Variants in HOXD13 observed in about 807,000 individuals in gnomAD.
HOXD13 encodes the protein homeobox D13, also known as homeobox protein Hox-D13.
Under a neutral mutation model 27.3 loss-of-function variants are expected in HOXD13, and 16 were observed. The ratio of observed to expected loss-of-function variants is 0.59; its 90% CI spans 0.40 to 0.89. The LOEUF is 0.89. Among genes scored for constraint, HOXD13 ranks in the 40% least tolerant of loss-of-function variants. HOXD13 has a pLI of 0.00. For missense variants in HOXD13, 481 were observed against 482.6 expected (o/e 1.00, Z 0.03); for synonymous variants, 241 against 219.0 (o/e 1.10, Z -0.89).
chr2:176,093,037 C>G lies in HOXD13; in HGVS notation c.147C>G (p.Phe49Leu). 1 of 1,384,204 alleles carries G rather than the reference C, an allele frequency of 7.2e-7. No individual in the cohort carries two copies. Among genetic ancestry groups the G allele is most frequent in the Non-Finnish European group, 9.3e-7 (1 of 1,078,586 alleles). 85.7% of individuals were successfully genotyped at this position (1,384,204 alleles called of 1,614,324 possible). Reference sequence around the variant, plus strand: ...GCGGCTTTCTCTCCGCGCCTGTGTTCGCCGGGACGCATTCGGGGCGGGCGG... The same window carrying G: ...GCGGCTTTCTCTCCGCGCCTGTGTTGGCCGGGACGCATTCGGGGCGGGCGG... The part of the protein sequence containing the change: ...QCRGFLSAPV[F>L]AGTHSGRAAA... Residue 49 changes from phenylalanine (F) to leucine (L), a missense_variant, in exon 1 of 2, where the codon TTC becomes TTG. Coordinates refer to ENST00000392539, the MANE Select transcript of HOXD13 (RefSeq NM_000523.4).
chr2:176,088,859 G>C (rs1183334319), upstream of HOXD13, among the ~76,000 whole-genome samples: 1 of 152,166 alleles, frequency 6.6e-6, no homozygotes, highest in Non-Finnish European at 1.5e-5. Context: ...TGGGCCTCTG[G>C]CTCCTGCCCC....
At chr2:176,092,208 T>C (rs1689330327), upstream of HOXD13, among the ~76,000 whole-genome samples, 1 of 152,130 alleles carries the variant, frequency 6.6e-6, no homozygotes, top group South Asian at 2.1e-4. Flanking sequence ...ATTAGCTCAC[T>C]CGGATTTGGG....
At position 176,093,095 on chromosome 2, in the gene HOXD13, G is replaced by GCGC. The variant is rs1384579578; in HGVS notation, c.207_208insCCG (p.Ala69_Ala70insPro). On this transcript the variant is annotated inframe_insertion, in exon 1 of 2. Transcript: ENST00000392539. ...GGCAGCGGCGGCTGCGGCGGCGGCG[G>GCGC]CGGCAGCCTCCGGCTTTGCGTACCC... 2 of 1,439,528 alleles carry GCGC rather than the reference G, an allele frequency of 1.4e-6. No homozygotes were observed. The highest frequency in any genetic ancestry group is 1.8e-6 in the Non-Finnish European group (2 of 1,110,674). The allele number at this position is 1,439,528 out of a possible 1,614,324, so 89.2% of individuals were successfully genotyped here. A position where few individuals can be genotyped will look rare whatever the true frequency, so the allele number is the denominator to read the frequency against.
At position 176,095,101 on chromosome 2, in the gene HOXD13, T is replaced by C. The variant is rs962889915; in HGVS notation, c.*371T>C. On this transcript the variant is annotated 3_prime_UTR_variant, in exon 2 of 2. Coordinates refer to ENST00000392539, the MANE Select transcript of HOXD13 (RefSeq NM_000523.4). ...TTAAGGGTTTTTTTAAAAAATTACTTTATTTGTTCATTCCCAGCACTGATT... is the reference window on the plus strand; with the variant it reads ...TTAAGGGTTTTTTTAAAAAATTACTCTATTTGTTCATTCCCAGCACTGATT... 21 of 358,204 alleles carry C rather than the reference T, an allele frequency of 5.9e-5. No individual in the cohort carries two copies. The highest frequency in any genetic ancestry group is 4.4e-4 in the African/African-American group (21 of 48,150). 22.2% of individuals were successfully genotyped at this position (358,204 alleles called of 1,614,324 possible).
upstream of HOXD13, among the ~76,000 whole-genome samples, chr2:176,089,199 TTTG>T (rs147415184): frequency 0.016 from 2,401 of 148,464 alleles, 65 homozygotes; most frequent in African/African-American, 0.06. Flanking sequence ...ATAGGTTTGG[TTTG>T]TTGTTGTTGT....
intron 1 of HOXD13, 62 bp from the exon 2 acceptor site, chr2:176,094,418 A>C (rs962901444): frequency 7.8e-6 from 11 of 1,417,610 alleles, no homozygotes; most frequent in East Asian, 2.5e-5. Context: ...CACACACACA[A>C]TCCTCAGCTA....
upstream of HOXD13, among the ~76,000 whole-genome samples, chr2:176,092,579 G>T (rs1689336638): frequency 6.6e-6 from 1 of 152,094 alleles, no homozygotes; most frequent in Admixed American, 6.5e-5. Context: ...GCTCCCCCGC[G>T]TTCCTACCCC....
rs1206707112 is a variant in HOXD13, at chr2:176,094,756, C to T, written c.*26C>T. 1.9e-6 allele frequency: 3 copies of T among 1,609,948 alleles called. No individual in the cohort carries two copies. Among genetic ancestry groups the T allele is most frequent in the Admixed American group, 1.7e-5 (1 of 59,984 alleles). ...TGTGGTCCAGGTTGGCCACAGACAGCTTAGAAGCCATTCGGTTGTCTCCAA... is the reference window on the plus strand; with the variant it reads ...TGTGGTCCAGGTTGGCCACAGACAGTTTAGAAGCCATTCGGTTGTCTCCAA... On this transcript the variant is annotated 3_prime_UTR_variant, in exon 2 of 2. Coordinates refer to ENST00000392539, the MANE Select transcript of HOXD13 (RefSeq NM_000523.4).
chr2:176,093,094 G>GCGGCGGCTGCGGCGGCGGCA lies in HOXD13; in HGVS notation c.204_205insCGGCGGCTGCGGCGGCGGCA (p.Ala69ArgfsTer34), dbSNP rs1559107870. On this transcript the variant is annotated frameshift_variant, in exon 1 of 2. Coordinates refer to ENST00000392539, the MANE Select transcript of HOXD13 (RefSeq NM_000523.4). LOFTEE classifies it high-confidence loss of function. ...CGGCAGCGGCGGCTGCGGCGGCGGC[G>GCGGCGGCTGCGGCGGCGGCA]GCGGCAGCCTCCGGCTTTGCGTACC... 4.9e-6 allele frequency: 7 copies of GCGGCGGCTGCGGCGGCGGCA among 1,426,078 alleles called. No individual in the cohort carries two copies. The highest frequency in any genetic ancestry group is 4.5e-5 in the African/African-American group (3 of 66,794). 88.3% of individuals were successfully genotyped at this position (1,426,078 alleles called of 1,614,324 possible).
chr2:176,088,605 C>G (rs1247351405), upstream of HOXD13, among the ~76,000 whole-genome samples: 2 of 152,202 alleles, frequency 1.3e-5, no homozygotes, highest in African/African-American at 2.4e-5. Context: ...TCCCTTTGCC[C>G]TGCCGGTAAG....
At position 176,092,867 on chromosome 2, in the gene HOXD13, G is replaced by T; in HGVS notation, c.-24G>T. On this transcript the variant is annotated 5_prime_UTR_variant, in exon 1 of 2. Coordinates refer to ENST00000392539, the MANE Select transcript of HOXD13 (RefSeq NM_000523.4). Reference sequence around the variant, plus strand: ...TGTCCTGCGCGGGGCCAGGGCCAGGGCCGGGGCCGGGCCAGGCCGGGCCAT... The same window carrying T: ...TGTCCTGCGCGGGGCCAGGGCCAGGTCCGGGGCCGGGCCAGGCCGGGCCAT... The T allele has an allele frequency of 8.2e-7, 1 of 1,219,910 alleles. No homozygotes were observed. Among genetic ancestry groups the T allele is most frequent in the Non-Finnish European group, 1.0e-6 (1 of 980,078 alleles). 75.6% of individuals were successfully genotyped at this position (1,219,910 alleles called of 1,614,324 possible).
Position 176,094,817 on chromosome 2 carries a change from C to T in HOXD13, c.*87C>T. ...GAAAGACTTGAATATGTATTTAATT[C>T]CCCCCACCCCCTGCCAATGGTGGCA... On this transcript the variant is annotated 3_prime_UTR_variant, in exon 2 of 2. Transcript: ENST00000392539. 1 of 1,194,120 alleles carries T rather than the reference C, an allele frequency of 8.4e-7. No individual in the cohort carries two copies. Among genetic ancestry groups the T allele is most frequent in the Non-Finnish European group, 1.2e-6 (1 of 805,338 alleles). The allele number at this position is 1,194,120 out of a possible 1,614,324, so 74.0% of individuals were successfully genotyped here.
Position 176,093,479 on chromosome 2 carries a change from A to T in HOXD13, c.589A>T (p.Thr197Ser), listed in dbSNP as rs374086950. The T allele has an allele frequency of 3.7e-6, 6 of 1,613,846 alleles. No homozygotes were observed. The African/African-American group carries it at 6.7e-5, about 18-fold the overall frequency. Residue 197 changes from threonine to serine, a missense_variant, in exon 1 of 2, where the codon ACG becomes TCG. Coordinates refer to ENST00000392539, the MANE Select transcript of HOXD13 (RefSeq NM_000523.4). ...GGAGGTATCCTTCTACCAGGGCTATACGAGCCCTTACCAGCACGTGCCCGG... is the reference window on the plus strand; with the variant it reads ...GGAGGTATCCTTCTACCAGGGCTATTCGAGCCCTTACCAGCACGTGCCCGG... ...AKEVSFYQGYTSPYQHVPGYI... is the reference protein window; with the variant it reads ...AKEVSFYQGYSSPYQHVPGYI...
rs535266089 is a variant in HOXD13, at chr2:176,094,852, A to G, written c.*122A>G. 1.2e-6 allele frequency: 1 copy of G among 848,244 alleles called. No homozygotes were observed. Among genetic ancestry groups the G allele is most frequent in the African/African-American group, 1.7e-5 (1 of 59,412 alleles). The allele number at this position is 848,244 out of a possible 1,614,324, so 52.5% of individuals were successfully genotyped here. On this transcript the variant is annotated 3_prime_UTR_variant, in exon 2 of 2. Coordinates refer to ENST00000392539, the MANE Select transcript of HOXD13 (RefSeq NM_000523.4). ...CCTGCCAATGGTGGCAAATTTTGTGAATTGTTTTTCTCTCTTCCCCTTATC... is the reference window on the plus strand; with the variant it reads ...CCTGCCAATGGTGGCAAATTTTGTGGATTGTTTTTCTCTCTTCCCCTTATC...
rs1318043833 is a variant in HOXD13 at position 176,093,633 on chromosome 2, A to C, written c.743A>C (p.Gln248Pro). The C allele has an allele frequency of 2.5e-6, 4 of 1,605,356 alleles. No homozygotes were observed. The East Asian group carries it at 9.0e-5, about 36-fold the overall frequency. Residue 248 changes from glutamine to proline, a missense_variant, in exon 1 of 2, where the codon CAG becomes CCG. Coordinates refer to ENST00000392539, the MANE Select transcript of HOXD13 (RefSeq NM_000523.4). ...WNSQVYCTKD[Q>P]PQGSHFWKSS... ...AGCCAGGTGTACTGCACCAAGGACC[A>C]GCCACAGGGGTCCCACTTTTGGAAA...
Position 176,095,655 on chromosome 2 carries a change from C to A in HOXD13, c.*925C>A, listed in dbSNP as rs1689401278. 4.4e-6 allele frequency: 1 copy of A among 228,000 alleles called. No homozygotes were observed. The highest frequency in any genetic ancestry group is 1.8e-4 in the South Asian group (1 of 5,506). 14.1% of individuals were successfully genotyped at this position (228,000 alleles called of 1,614,324 possible). A position where few individuals can be genotyped will look rare whatever the true frequency, so the allele number is the denominator to read the frequency against. Reference sequence around the variant, plus strand: ...GTGGGTGGGAACTTACATACAGAACCCAATGAAGAACTTGACTGTCTAAAC... The same window carrying A: ...GTGGGTGGGAACTTACATACAGAACACAATGAAGAACTTGACTGTCTAAAC... On this transcript the variant is annotated 3_prime_UTR_variant, in exon 2 of 2. Transcript: ENST00000392539.
rs756844068 is a variant in HOXD13, at chr2:176,093,058, GGCGGCGGCGGCGGCAGCGGCGGCT to G, written c.183_206del (p.Ala64_Ala71del). On this transcript the variant is annotated inframe_deletion, in exon 1 of 2. Coordinates refer to ENST00000392539, the MANE Select transcript of HOXD13 (RefSeq NM_000523.4). Reference sequence around the variant, plus strand: ...TGTTCGCCGGGACGCATTCGGGGCGGGCGGCGGCGGCGGCAGCGGCGGCTGCGGCGGCGGCGGCGGCAGCCTCCG... The same window carrying G: ...TGTTCGCCGGGACGCATTCGGGGCGGGCGGCGGCGGCGGCGGCAGCCTCCG... The G allele has an allele frequency of 9.2e-5, 124 of 1,354,154 alleles. 6 individuals are homozygous for G. Among genetic ancestry groups the G allele is most frequent in the Admixed American group, 4.7e-4 (12 of 25,296 alleles). The allele number at this position is 1,354,154 out of a possible 1,614,324, so 83.9% of individuals were successfully genotyped here.
chr2:176,094,403 A>G, intron 1 of HOXD13, 77 bp from the exon 2 acceptor site: 1 of 1,550,136 alleles, frequency 6.5e-7, no homozygotes, highest in Non-Finnish European at 8.9e-7. Context: ...ACACACACAC[A>G]CACACACACA....
At position 176,093,030 on chromosome 2, in the gene HOXD13, C is replaced by G; in HGVS notation, c.140C>G (p.Pro47Arg). The change falls in exon 1 of 2, where the codon CCT becomes CGT. Residue 47 changes from proline (P) to arginine (R), a missense_variant. Physicochemically the swap from Pro to Arg is moderately radical, Grantham distance 103. Coordinates refer to ENST00000392539, the MANE Select transcript of HOXD13 (RefSeq NM_000523.4). ...CAGTGCCGCGGCTTTCTCTCCGCGC[C>G]TGTGTTCGCCGGGACGCATTCGGGG... ...SGQCRGFLSAPVFAGTHSGRA... is the reference protein window; with the variant it reads ...SGQCRGFLSARVFAGTHSGRA... 7.2e-7 allele frequency: 1 copy of G among 1,385,962 alleles called. No individual in the cohort carries two copies. Among genetic ancestry groups the G allele is most frequent in the Non-Finnish European group, 9.3e-7 (1 of 1,078,162 alleles). The allele number at this position is 1,385,962 out of a possible 1,614,324, so 85.9% of individuals were successfully genotyped here.
Sources: allele counts gnomAD v4.1 joint callset (sites outside exome capture counted in the v4.1 genomes callset), GRCh38; gene constraint gnomAD v4.1.1; transcripts MANE v1.5; gene names NCBI Gene and HGNC (gene_info 2026-07-23, HGNC 2026-07-21).